The following AP1S3 variants were observed in gnomAD, a reference collection of about 807,000 sequenced individuals.
The protein encoded by AP1S3 is adaptor related protein complex 1 subunit sigma 3, also known as AP-1 complex subunit sigma-3.
In AP1S3, 10 loss-of-function variants were observed where a neutral mutation model predicts 20.9. The observed-to-expected ratio is 0.48, with a 90% confidence interval of 0.29 to 0.81. AP1S3 has a LOEUF of 0.81. Among genes scored for constraint, AP1S3 ranks in the 30% least tolerant of loss-of-function variants. The pLI, the probability that AP1S3 is intolerant of heterozygous loss-of-function variation, is 0.08. For synonymous variants in AP1S3, 41 were observed against 61.5 expected, an observed-to-expected ratio of 0.67 and a Z score of 1.56; for missense variants, 154 against 183.8, an observed-to-expected ratio of 0.84 and a Z score of 0.94.
intron 4 of AP1S3, 26 bp downstream of exon 4, chr2:223,765,187 C>T (rs982764423): frequency 1.9e-6 from 3 of 1,606,430 alleles, no homozygotes; most frequent in South Asian, 2.2e-5. Context: ...TCATCTTTCT[C>T]CCATGGTTTG....
chr2:223,836,535 T>C (rs1477377156), intron 1 of AP1S3, among the ~76,000 whole-genome samples: 1 of 151,912 alleles, frequency 6.6e-6, no homozygotes, highest in Non-Finnish European at 1.5e-5. Context: ...AGGTCAGGAG[T>C]TCGAGACCAG....
intron 1 of AP1S3, among the ~76,000 whole-genome samples, chr2:223,780,238 G>A (rs1433553952): frequency 2.3e-5 from 3 of 131,182 alleles, no homozygotes; most frequent in Non-Finnish European, 4.8e-5. Context: ...AGCCTCCCTG[G>A]TAGCTGGAAC....
intron 1 of AP1S3, among the ~76,000 whole-genome samples, chr2:223,817,864 G>T (rs1339715072): frequency 6.6e-6 from 1 of 151,846 alleles, no homozygotes; most frequent in East Asian, 1.9e-4. Context: ...TCCAAAAAAA[G>T]ACAAATATGA....
At chr2:223,794,069 G>GT (rs897053225) in intron 1 of AP1S3, among the ~76,000 whole-genome samples, 2 of 151,888 alleles carry the variant, frequency 1.3e-5, no homozygotes, top group African/African-American at 2.4e-5. Context: ...CACCTCTTGG[G>GT]TTTTTTTTCC....
Position 223,758,509 on chromosome 2 carries a change from A to G in AP1S3, c.*206T>C. On this transcript the variant is annotated 3_prime_UTR_variant, in exon 5 of 5. Coordinates refer to ENST00000396654, the MANE Select transcript of AP1S3 (RefSeq NM_001039569.2). ...AGAGCTACAAGTACCTATACAGTAT[A>G]ACACAGACACATAATTTTTTTTAAT... The G allele has an allele frequency of 7.8e-7, 1 of 1,285,178 alleles. No individual in the cohort carries two copies. Among genetic ancestry groups the G allele is most frequent in the Non-Finnish European group, 9.8e-7 (1 of 1,018,432 alleles). 79.6% of individuals were successfully genotyped at this position (1,285,178 alleles called of 1,614,324 possible). A position where few individuals can be genotyped will look rare whatever the true frequency, so the allele number is the denominator to read the frequency against.
chr2:223,837,383 A>G, intron 1 of AP1S3, 65 bp downstream of exon 1: 2 of 922,348 alleles, frequency 2.2e-6, no homozygotes, highest in Non-Finnish European at 2.8e-6. Context: ...CGGACGCCCC[A>G]GGTGCCTCCC....
chr2:223,828,058 TAAAAAAAAAAAAAAAAAAAAAAAA>T (rs527671959), intron 1 of AP1S3, among the ~76,000 whole-genome samples: 118 of 94,608 alleles, frequency 1.2e-3, no homozygotes, highest in Admixed American at 2.3e-3. Context: ...AGACTTCATC[TAAAAAAAAAAAAAAAAAAAAAAAA>T]AAAAAAAAAA....
At position 223,767,179 on chromosome 2, in the gene AP1S3, A is replaced by G. The variant is rs538153782; in HGVS notation, c.292-1829T>C. On this transcript the variant is annotated intron_variant, in intron 3 of 4. Coordinates refer to ENST00000396654, the MANE Select transcript of AP1S3 (RefSeq NM_001039569.2). ...GCATGTATCCCAGAACTTAAAGTGT[A>G]ATTTTAGAAAAAGGGAGGAGAAAAA... Among the ~76,000 whole-genome samples the G allele has an allele frequency of 2.1e-3, 322 of 152,160 alleles. 2 individuals are homozygous for G. The highest frequency in any genetic ancestry group is 3.6e-3 in the Non-Finnish European group (247 of 67,980).
At chr2:223,800,058 T>C (rs1394557809) in intron 1 of AP1S3, among the ~76,000 whole-genome samples, 1 of 151,306 alleles carries the variant, frequency 6.6e-6, no homozygotes, top group Non-Finnish European at 1.5e-5. Context: ...CTACTATAAA[T>C]ACGAAAATTA....
chr2:223,781,095 G>A (rs896510067), intron 1 of AP1S3, among the ~76,000 whole-genome samples: 3 of 151,982 alleles, frequency 2.0e-5, no homozygotes, highest in East Asian at 1.9e-4. Context: ...AGCTGCATCC[G>A]TGTTGCTGCA....
intron 1 of AP1S3, among the ~76,000 whole-genome samples, chr2:223,814,005 C>T (rs1163163203): frequency 6.6e-6 from 1 of 152,202 alleles, no homozygotes; most frequent in Non-Finnish European, 1.5e-5. Flanking sequence ...AATGAAAGTA[C>T]CCAGTATTTT....
intron 1 of AP1S3, among the ~76,000 whole-genome samples, chr2:223,835,777 C>A (rs371696747): frequency 6.6e-6 from 1 of 152,300 alleles, no homozygotes; most frequent in East Asian, 1.9e-4. Flanking sequence ...AAATAAAACT[C>A]CACCACAGGT....
At chr2:223,820,017 G>C (rs886081604) in intron 1 of AP1S3, among the ~76,000 whole-genome samples, 5 of 152,070 alleles carry the variant, frequency 3.3e-5, no homozygotes, top group African/African-American at 7.2e-5. Context: ...ATGTGTAAAA[G>C]AGTTTGCAAC....
chr2:223,815,331 G>T (rs1691819982), intron 1 of AP1S3, among the ~76,000 whole-genome samples: 1 of 152,182 alleles, frequency 6.6e-6, no homozygotes, highest in Admixed American at 6.6e-5. Context: ...GACTTTGAAG[G>T]AGCTAATGCT....
At chr2:223,790,487 G>T (rs1333080496) in intron 1 of AP1S3, among the ~76,000 whole-genome samples, 1 of 152,018 alleles carries the variant, frequency 6.6e-6, no homozygotes, top group Non-Finnish European at 1.5e-5. Flanking sequence ...ACGTGCCTCG[G>T]CCTCCCAAAG....
At chr2:223,784,528 CT>C (rs555974714) in intron 1 of AP1S3, among the ~76,000 whole-genome samples, 46 of 152,282 alleles carry the variant, frequency 3.0e-4, no homozygotes, top group Admixed American at 2.9e-3. Flanking sequence ...CACTACCAGG[CT>C]GTGCCCCCTC....
chr2:223,830,086 A>T (rs2106040739), intron 1 of AP1S3, among the ~76,000 whole-genome samples: 1 of 152,290 alleles, frequency 6.6e-6, no homozygotes, highest in South Asian at 2.1e-4. Context: ...TGAGACCAGG[A>T]GGGTAGCCTA....
intron 1 of AP1S3, among the ~76,000 whole-genome samples, chr2:223,798,347 T>C (rs1691392463): frequency 6.6e-6 from 1 of 152,152 alleles, no homozygotes; most frequent in Admixed American, 6.6e-5. Flanking sequence ...CTGTGAAATG[T>C]TCAGGGAAAG....
chr2:223,764,980 A>C (rs1472713041), intron 4 of AP1S3: 1 of 493,390 alleles, frequency 2.0e-6, no homozygotes, highest in Non-Finnish European at 3.4e-6. Flanking sequence ...GAAATTGAGC[A>C]GGTCATTTAA....
Sources: allele counts gnomAD v4.1 joint callset (sites outside exome capture counted in the v4.1 genomes callset), GRCh38; gene constraint gnomAD v4.1.1; transcripts MANE v1.5; gene names NCBI Gene and HGNC (gene_info 2026-07-23, HGNC 2026-07-21).